ACOX2: variants seen among roughly 807,000 people sequenced by gnomAD.
The protein encoded by ACOX2 is acyl-CoA oxidase 2.
A neutral mutation model predicts 77.5 loss-of-function variants in ACOX2; 59 were observed. The observed-to-expected ratio is 0.76, with a 90% CI of 0.62 to 0.95. ACOX2 has a LOEUF of 0.95. Ranked by LOEUF, ACOX2 falls within the 40% of genes least tolerant of loss-of-function variation. ACOX2 has a pLI of 0.00. For missense variants in ACOX2, 837 were observed against 880.4 expected (o/e 0.95, Z 0.62); for synonymous variants, 317 against 340.1 (o/e 0.93, Z 0.75).
At position 58,514,480 on chromosome 3, in the gene ACOX2, T is replaced by C. The variant is rs944310685; in HGVS notation, c.1850+2726A>G. 8.5e-5 allele frequency among the ~76,000 whole-genome samples: 13 copies of C among 152,198 alleles called. No homozygotes were observed. Among genetic ancestry groups the C allele is most frequent in the Non-Finnish European group, 1.2e-4 (8 of 68,044 alleles). On this transcript the variant is annotated intron_variant, in intron 13 of 14. Coordinates refer to ENST00000302819, the MANE Select transcript of ACOX2 (RefSeq NM_003500.4). This position sits in a 1 kb window ranked among gnomAD's most constrained non-coding sequence, Gnocchi z 4.3. ...GCAGAGAGCTTGTTCTTGGCATCCA[T>C]AGCATACTATGCCGCCCTTCAGTTT...
In ACOX2 at chr3:58,505,270, T is replaced by G. The variant is rs1345989056; in HGVS notation, c.2000A>C (p.Glu667Ala). 1 of 1,612,940 alleles carries G rather than the reference T, an allele frequency of 6.2e-7. No individual in the cohort carries two copies. The highest frequency in any genetic ancestry group is 1.1e-5 in the South Asian group (1 of 90,690). ...PTNTQENPAY[E>A]EYIRPLLQSW... ...TTGTAAAAGTGGTCTTATATATTCCTCATAGGCAGGGTTCTCCTGTTTGTA... is the reference window on the plus strand; with the variant it reads ...TTGTAAAAGTGGTCTTATATATTCCGCATAGGCAGGGTTCTCCTGTTTGTA... Residue 667 changes from glutamate (E) to alanine (A), a missense_variant, in exon 15 of 15, where the codon GAG (glutamate) becomes GCG (alanine). Coordinates refer to ENST00000302819, the MANE Select transcript of ACOX2 (RefSeq NM_003500.4). This position sits in a 1 kb window ranked among gnomAD's most constrained non-coding sequence, Gnocchi z 4.4.
In ACOX2 at chr3:58,533,507, G is replaced by C. The variant is rs2063456052; in HGVS notation, c.521C>G (p.Ala174Gly). 6.2e-7 allele frequency: 1 copy of C among 1,614,076 alleles called. No individual in the cohort carries two copies. Among genetic ancestry groups the C allele is most frequent in the Non-Finnish European group, 8.5e-7 (1 of 1,180,016 alleles). Residue 174 changes from alanine to glycine, a missense_variant, in exon 5 of 15, where the codon GCC becomes GGC. By Grantham distance (60) the Ala-to-Gly change is moderately conservative. Coordinates refer to ENST00000302819, the MANE Select transcript of ACOX2 (RefSeq NM_003500.4). This position sits in a 1 kb window ranked among gnomAD's most constrained non-coding sequence, Gnocchi z 5.6. ...GLETEATYDA[A>G]TQEFVIHSPT... ...GCTGTGTATCACAAACTCCTGGGTG[G>C]CTGCGTCATAGGTGGCTTCAGTCTC...
At chr3:58,520,396 G>A (rs545537271) in intron 12 of ACOX2, among the ~76,000 whole-genome samples, 1 of 152,242 alleles carries the variant, frequency 6.6e-6, no homozygotes, top group African/African-American at 2.4e-5. Context: ...CATGGTCCTG[G>A]AGACTGACAT....
chr3:58,507,700 A>G (rs2063245183), intron 14 of ACOX2, among the ~76,000 whole-genome samples: 1 of 152,260 alleles, frequency 6.6e-6, no homozygotes, highest in Non-Finnish European at 1.5e-5. Flanking sequence ...TAGAAAAAGT[A>G]ACACACTGGA....
Position 58,519,306 on chromosome 3 carries a change from C to G in ACOX2, c.1633-1883G>C, listed in dbSNP as rs1349400983. Among the ~76,000 whole-genome samples, 2 of 151,882 alleles carry G rather than the reference C, an allele frequency of 1.3e-5. No homozygotes were observed. The highest frequency in any genetic ancestry group is 3.9e-4 in the East Asian group (2 of 5,142). On this transcript the variant is annotated intron_variant, in intron 12 of 14. Coordinates refer to ENST00000302819, the MANE Select transcript of ACOX2 (RefSeq NM_003500.4). This position sits in a 1 kb window ranked among gnomAD's most constrained non-coding sequence, Gnocchi z 5.0. ...GGCTGAGGCACAAGAATTGCTTGAACCTGGGAGGTGGAGGTTGCAGTGAGC... is the reference window on the plus strand; with the variant it reads ...GGCTGAGGCACAAGAATTGCTTGAAGCTGGGAGGTGGAGGTTGCAGTGAGC...
In ACOX2 at chr3:58,531,256, C is replaced by A; in HGVS notation, c.814G>T (p.Ala272Ser). Residue 272 changes from alanine to serine, a missense_variant, in exon 7 of 15, where the codon GCA becomes TCA. Transcript: ENST00000302819. The surrounding 1 kb of genome is among the most constrained non-coding windows in gnomAD (Gnocchi z 5.8). Reference protein sequence around the residue: ...VPRENMLSRFAQVLPDGTYVK... With the variant: ...VPRENMLSRFSQVLPDGTYVK... ...GGCCTCCCCAGATCTGTAACCTGTG[C>A]AAAGCGACTCAGCATGTTCTCCCTG... is the stretch of plus-strand genomic sequence containing the variant. 2 of 1,612,416 alleles carry A rather than the reference C, an allele frequency of 1.2e-6. No homozygotes were observed. The highest frequency in any genetic ancestry group is 2.2e-5 in the South Asian group (2 of 90,964).
Position 58,526,336 on chromosome 3 carries a change from TG to T in ACOX2, c.1346+129del. ...GGATAGGTTAGTCATACTGGGGAAT[TG>T]GACAGCTCCCAAATAGCACTTCGCA... On this transcript the variant is annotated intron_variant, in intron 10 of 14. Coordinates refer to ENST00000302819, the MANE Select transcript of ACOX2 (RefSeq NM_003500.4). The surrounding 1 kb of genome is among the most constrained non-coding windows in gnomAD (Gnocchi z 4.3). 9.2e-7 allele frequency: 1 copy of T among 1,081,482 alleles called. No individual in the cohort carries two copies. The highest frequency in any genetic ancestry group is 2.6e-5 in the East Asian group (1 of 38,164). 67.0% of individuals were successfully genotyped at this position (1,081,482 alleles called of 1,614,324 possible).
At chr3:58,507,722 T>A (rs1027207771) in intron 14 of ACOX2, among the ~76,000 whole-genome samples, 3 of 152,248 alleles carry the variant, frequency 2.0e-5, no homozygotes, top group African/African-American at 7.2e-5. Context: ...GTAGGTTAAC[T>A]GTACTAAAGC....
chr3:58,506,869 CTT>C (rs1378586403), intron 14 of ACOX2, among the ~76,000 whole-genome samples: 3 of 152,160 alleles, frequency 2.0e-5, no homozygotes, highest in Admixed American at 6.5e-5. Flanking sequence ...GAAAATGTCT[CTT>C]ATTGCAGCTT....
At position 58,515,062 on chromosome 3, in the gene ACOX2, C is replaced by T. The variant is rs926190120; in HGVS notation, c.1850+2144G>A. Among the ~76,000 whole-genome samples, 13 of 151,914 alleles carry T rather than the reference C, an allele frequency of 8.6e-5. No individual in the cohort carries two copies. Among genetic ancestry groups the T allele is most frequent in the African/African-American group, 2.2e-4 (9 of 41,330 alleles). On this transcript the variant is annotated intron_variant, in intron 13 of 14. Coordinates refer to ENST00000302819, the MANE Select transcript of ACOX2 (RefSeq NM_003500.4). This position sits in a 1 kb window ranked among gnomAD's most constrained non-coding sequence, Gnocchi z 4.0. ...TCTTGAGATGGAGTCTCACTCTTGT[C>T]GCCAAGGCTGGAGTGCAGTGGTACG...
Position 58,531,927 on chromosome 3 carries a change from G to T in ACOX2, c.584-115C>A. 1 of 1,398,302 alleles carries T rather than the reference G, an allele frequency of 7.2e-7. No individual in the cohort carries two copies. The highest frequency in any genetic ancestry group is 9.4e-7 in the Non-Finnish European group (1 of 1,068,354). 86.6% of individuals were successfully genotyped at this position (1,398,302 alleles called of 1,614,324 possible). On this transcript the variant is annotated intron_variant, in intron 5 of 14. Coordinates refer to ENST00000302819, the MANE Select transcript of ACOX2 (RefSeq NM_003500.4). This position sits in a 1 kb window ranked among gnomAD's most constrained non-coding sequence, Gnocchi z 5.8. ...ATGGGTACCTCTGGGGCCCTGAAAA[G>T]TCACTGATCAAAGAGAGAGGGGATT...
In ACOX2 at chr3:58,523,666, C is replaced by G. The variant is rs965353694; in HGVS notation, c.1526+760G>C. On this transcript the variant is annotated intron_variant, in intron 11 of 14. Coordinates refer to ENST00000302819, the MANE Select transcript of ACOX2 (RefSeq NM_003500.4). This position sits in a 1 kb window ranked among gnomAD's most constrained non-coding sequence, Gnocchi z 5.3. ...GTTTCACCATGTTGCCGAAGCTGGT[C>G]TCAAACTCCTGAGCTCAAGCAATCC... is the stretch of plus-strand genomic sequence containing the variant. Among the ~76,000 whole-genome samples, 3 of 151,894 alleles carry G rather than the reference C, an allele frequency of 2.0e-5. No homozygotes were observed. Among genetic ancestry groups the G allele is most frequent in the Non-Finnish European group, 4.4e-5 (3 of 67,994 alleles).
chr3:58,508,916 G>A lies in ACOX2; in HGVS notation c.1960C>T (p.Gln654Ter), dbSNP rs147680655. The change falls in exon 14 of 15, where the codon CAG becomes TAG. Residue 654 changes from glutamine to a stop codon, truncating the protein, a stop_gained. Coordinates refer to ENST00000302819, the MANE Select transcript of ACOX2 (RefSeq NM_003500.4). LOFTEE classifies it high-confidence loss of function. ...ACCTGAGTATTGGTTGGTGACTTCT[G>A]AGCCCACTGGAACAGGCGTTCGTAG... ...NVYERLFQWAQKSPTNTQENP... is the reference protein window; with the variant it reads ...NVYERLFQWA The A allele has an allele frequency of 1.5e-5, 24 of 1,614,072 alleles. No individual in the cohort carries two copies. Among genetic ancestry groups the A allele is most frequent in the Non-Finnish European group, 1.9e-5 (22 of 1,180,042 alleles).
chr3:58,535,276 A>AG lies in ACOX2; in HGVS notation c.-91-80_-91-79insC. On this transcript the variant is annotated intron_variant, in intron 1 of 14. Coordinates refer to ENST00000302819, the MANE Select transcript of ACOX2 (RefSeq NM_003500.4). The surrounding 1 kb of genome is among the most constrained non-coding windows in gnomAD (Gnocchi z 4.8). The stretch of plus-strand genomic sequence containing the variant: ...GAAGAAAGACATCCCTAAGTACCTG[A>AG]ATGCCACTCCACCTCCCCACTCCCC... The AG allele has an allele frequency of 1.4e-6, 1 of 736,382 alleles. No homozygotes were observed. Among genetic ancestry groups the AG allele is most frequent in the South Asian group, 1.8e-5 (1 of 56,894 alleles). 45.6% of individuals were successfully genotyped at this position (736,382 alleles called of 1,614,324 possible).
At chr3:58,508,743 A>T (rs546592470) in intron 14 of ACOX2, 150 bp downstream of exon 14, 2 of 1,063,670 alleles carry the variant, frequency 1.9e-6, no homozygotes, top group South Asian at 3.6e-5. Flanking sequence ...TGTTTCTTTT[A>T]TGTGTTCTCT....
chr3:58,508,487 T>A (rs530207310), intron 14 of ACOX2, among the ~76,000 whole-genome samples: 2 of 152,026 alleles, frequency 1.3e-5, no homozygotes, highest in Non-Finnish European at 2.9e-5. Context: ...AATACCTACT[T>A]TTATCTACAC....
intron 7 of ACOX2, among the ~76,000 whole-genome samples, chr3:58,530,845 C>A (rs749382033): frequency 3.5e-4 from 53 of 152,184 alleles, no homozygotes; most frequent in Admixed American, 1.3e-4. Flanking sequence ...TCCCCACGAC[C>A]CATAACTAAA....
Position 58,528,692 on chromosome 3 carries a change from G to T in ACOX2, c.1155+102C>A. ...CTGAAAGCTGGGAGAGGTGGGGGTG[G>T]GGAGTGCCCATGGGGATGGGGCTGT... On this transcript the variant is annotated intron_variant, in intron 9 of 14. Transcript: ENST00000302819. The surrounding 1 kb of genome is among the most constrained non-coding windows in gnomAD (Gnocchi z 5.6). 1 of 1,378,002 alleles carries T rather than the reference G, an allele frequency of 7.3e-7. No individual in the cohort carries two copies. Among genetic ancestry groups the T allele is most frequent in the Non-Finnish European group, 9.6e-7 (1 of 1,046,488 alleles). 85.4% of individuals were successfully genotyped at this position (1,378,002 alleles called of 1,614,324 possible).
chr3:58,528,239 A>G lies in ACOX2; in HGVS notation c.1155+555T>C, dbSNP rs1027196962. 6.6e-6 allele frequency among the ~76,000 whole-genome samples: 1 copy of G among 152,190 alleles called. No homozygotes were observed. The highest frequency in any genetic ancestry group is 1.5e-5 in the Non-Finnish European group (1 of 68,030). ...TTATAAAGCATGGTAGCCTGGACAGACTGAATTTTACTATATATGTAAGTC... is the reference window on the plus strand; with the variant it reads ...TTATAAAGCATGGTAGCCTGGACAGGCTGAATTTTACTATATATGTAAGTC... On this transcript the variant is annotated intron_variant, in intron 9 of 14. Transcript: ENST00000302819. The surrounding 1 kb of genome is among the most constrained non-coding windows in gnomAD (Gnocchi z 5.6).
Sources: allele counts gnomAD v4.1 joint callset (sites outside exome capture counted in the v4.1 genomes callset), GRCh38; gene constraint gnomAD v4.1.1; non-coding constraint Gnocchi (gnomAD v3.1); transcripts MANE v1.5; gene names NCBI Gene and HGNC (gene_info 2026-07-23, HGNC 2026-07-21).